Variants in SEMA5A observed in about 807,000 individuals in gnomAD.
SEMA5A encodes the protein semaphorin 5A, also known as semaphorin-5A.
Under a neutral mutation model 135.5 loss-of-function variants are expected in SEMA5A, and 55 were observed. The ratio of observed to expected loss-of-function variants is 0.41; its 90% confidence interval spans 0.33 to 0.51. The LOEUF (loss-of-function observed/expected upper bound fraction) is 0.51, where lower values mean the gene tolerates loss of function less well. Among genes scored for constraint, SEMA5A ranks in the 20% least tolerant of loss-of-function variants. SEMA5A has a pLI of 0.37. For synonymous variants in SEMA5A, 580 were observed against 546.5 expected, an observed-to-expected ratio of 1.06 and a Z score of -0.85; for missense variants, 1,290 against 1,419.9, an observed-to-expected ratio of 0.91 and a Z score of 1.47.
At chr5:9,074,851 T>C (rs965644793) in intron 16 of SEMA5A, among the ~76,000 whole-genome samples, 3 of 152,316 alleles carry the variant, frequency 2.0e-5, no homozygotes, top group Admixed American at 2.0e-4. Context: ...CAGTATCAGA[T>C]GCTGAGGAGG....
chr5:9,070,227 G>C (rs4701832), intron 16 of SEMA5A, among the ~76,000 whole-genome samples: 17 of 152,088 alleles, frequency 1.1e-4, no homozygotes, highest in African/African-American at 3.4e-4. Flanking sequence ...AAAAATTAGC[G>C]GGGCATGGTG....
At chr5:9,214,599 G>T (rs368666027) in intron 8 of SEMA5A, among the ~76,000 whole-genome samples, 2 of 152,158 alleles carry the variant, frequency 1.3e-5, no homozygotes, top group Non-Finnish European at 2.9e-5. Context: ...CTTACTCAGG[G>T]ATCTCTGTAT....
At chr5:9,163,759 A>G (rs1255607163) in intron 11 of SEMA5A, among the ~76,000 whole-genome samples, 1 of 151,892 alleles carries the variant, frequency 6.6e-6, no homozygotes, top group African/African-American at 2.4e-5. Context: ...CCTTATAAAA[A>G]GAGAAGGTTA....
rs192810171 is a variant in SEMA5A, at chr5:9,139,137, T to C, written c.1482-2516A>G. On this transcript the variant is annotated intron_variant, in intron 12 of 22. Coordinates refer to ENST00000382496, the MANE Select transcript of SEMA5A (RefSeq NM_003966.3). ...CCAGTAGTGGGATTGCTGGATCAAA[T>C]GGTGGTTCTACTTTTAGTTCTTTAA... 9.8e-5 allele frequency among the ~76,000 whole-genome samples: 15 copies of C among 152,300 alleles called. No homozygotes were observed. In the East Asian group the frequency reaches 1.9e-3, roughly 20 times the overall value.
chr5:9,211,612 C>G (rs578191664), intron 8 of SEMA5A, among the ~76,000 whole-genome samples: 6 of 152,238 alleles, frequency 3.9e-5, no homozygotes, highest in South Asian at 2.1e-4. Flanking sequence ...AGCACCTGGT[C>G]CCAAGGAGAA....
At position 9,437,555 on chromosome 5, in the gene SEMA5A, C is replaced by T. The variant is rs143333556; in HGVS notation, c.-78+201G>A. On this transcript the variant is annotated intron_variant, in intron 2 of 22. Transcript: ENST00000382496. Reference sequence around the variant, plus strand: ...TATTTTTAGTAGAGATAGAATTTCACCATGTTGGCCAGGCTGGAACTCCTG... The same window carrying T: ...TATTTTTAGTAGAGATAGAATTTCATCATGTTGGCCAGGCTGGAACTCCTG... 9.2e-5 allele frequency among the ~76,000 whole-genome samples: 14 copies of T among 152,212 alleles called. No homozygotes were observed. In the East Asian group the frequency reaches 2.7e-3, roughly 29 times the overall value.
chr5:9,449,960 C>G (rs988714998), intron 1 of SEMA5A, among the ~76,000 whole-genome samples: 5 of 152,162 alleles, frequency 3.3e-5, no homozygotes, highest in Admixed American at 6.5e-5. Flanking sequence ...TCAGAAGAAG[C>G]CTTCAATGCT....
rs1805975 is a variant in SEMA5A at position 9,258,518 on chromosome 5, A to G, written c.271-20628T>C. ...CTCTCTCTCTCTCCTTAAGTGTACA[A>G]GACAATGGAAGAAGTCTTGCCCTAA... On this transcript the variant is annotated intron_variant, in intron 5 of 22. Transcript: ENST00000382496. Among the ~76,000 whole-genome samples the G allele has an allele frequency of 9.1e-3, 1,389 of 152,326 alleles. 68 individuals are homozygous for G. The highest frequency in any genetic ancestry group is 0.088 in the East Asian group (455 of 5,160).
intron 2 of SEMA5A, among the ~76,000 whole-genome samples, chr5:9,383,387 A>C (rs1755698504): frequency 6.6e-6 from 1 of 152,214 alleles, no homozygotes; most frequent in Non-Finnish European, 1.5e-5. Flanking sequence ...GTTCGGGTAA[A>C]TTATCACAGT....
At chr5:9,448,390 A>G (rs916319832) in intron 1 of SEMA5A, among the ~76,000 whole-genome samples, 1 of 152,188 alleles carries the variant, frequency 6.6e-6, no homozygotes, top group Non-Finnish European at 1.5e-5. Context: ...ATTATTTTAC[A>G]CTGACAGTGC....
intron 11 of SEMA5A, among the ~76,000 whole-genome samples, chr5:9,186,763 T>C (rs748980612): frequency 3.9e-5 from 6 of 152,334 alleles, no homozygotes; most frequent in Middle Eastern, 3.4e-3. Flanking sequence ...ATTCATATAA[T>C]CAAATCACAG....
At chr5:9,094,910 C>A (rs1370624405) in intron 16 of SEMA5A, among the ~76,000 whole-genome samples, 1 of 151,854 alleles carries the variant, frequency 6.6e-6, no homozygotes, top group Non-Finnish European at 1.5e-5. Context: ...GTGTTCTTTG[C>A]AACTCTTCCT....
intron 18 of SEMA5A, among the ~76,000 whole-genome samples, chr5:9,060,876 T>C (rs1252101742): frequency 6.6e-6 from 1 of 152,190 alleles, no homozygotes; most frequent in African/African-American, 2.4e-5. Context: ...AGTTTCTTGA[T>C]GTAAGAACTC....
chr5:9,478,681 G>A (rs1352130351), intron 1 of SEMA5A, among the ~76,000 whole-genome samples: 4 of 152,178 alleles, frequency 2.6e-5, no homozygotes, highest in African/African-American at 4.8e-5. Context: ...GCATTTACTC[G>A]ATGCCTGTAC....
chr5:9,291,919 C>T (rs917692234), intron 5 of SEMA5A, among the ~76,000 whole-genome samples: 3 of 152,106 alleles, frequency 2.0e-5, no homozygotes, highest in Non-Finnish European at 4.4e-5. Context: ...TATTTTGCTA[C>T]AAGTAAGGAT....
intron 5 of SEMA5A, among the ~76,000 whole-genome samples, chr5:9,298,900 T>G (rs1019706073): frequency 6.6e-6 from 1 of 152,204 alleles, no homozygotes; most frequent in African/African-American, 2.4e-5. Context: ...AGTAATGAAC[T>G]CTCACAGCCT....
intron 8 of SEMA5A, 134 bp downstream of exon 8, chr5:9,224,540 C>A: frequency 1.3e-6 from 1 of 779,288 alleles, no homozygotes; most frequent in Non-Finnish European, 2.1e-6. Flanking sequence ...TAGTCCTGAA[C>A]AAGCGACACT....
intron 8 of SEMA5A, among the ~76,000 whole-genome samples, chr5:9,205,500 C>A (rs1202596783): frequency 1.3e-5 from 2 of 152,092 alleles, no homozygotes; most frequent in African/African-American, 4.8e-5. Flanking sequence ...TTCCAGCAAA[C>A]CACATCCACT....
At chr5:9,390,442 T>C (rs1315814481) in intron 2 of SEMA5A, among the ~76,000 whole-genome samples, 2 of 152,218 alleles carry the variant, frequency 1.3e-5, no homozygotes, top group Non-Finnish European at 2.9e-5. Context: ...ACTTACTGAA[T>C]TAATAATTTT....
Sources: allele counts gnomAD v4.1 joint callset (sites outside exome capture counted in the v4.1 genomes callset), GRCh38; gene constraint gnomAD v4.1.1; transcripts MANE v1.5; gene names NCBI Gene and HGNC (gene_info 2026-07-23, HGNC 2026-07-21).